WWOX: variants seen among roughly 807,000 people sequenced by gnomAD.
The protein encoded by WWOX is WW domain containing oxidoreductase.
In WWOX, 69 loss-of-function variants were observed where a neutral mutation model predicts 46.2. The observed-to-expected ratio is 1.49, with a 90% CI of 1.23 to 1.82. The LOEUF (loss-of-function observed/expected upper bound fraction) is 1.82, where lower values mean the gene tolerates loss of function less well. Ranked by LOEUF, WWOX falls within the 40% of genes most tolerant of loss-of-function variation. The pLI is 0.00. For missense variants in WWOX, 919 were observed against 542.6 expected (o/e 1.69, Z -6.89); for synonymous variants, 359 against 202.6 (o/e 1.77, Z -6.56).
intron 8 of WWOX, among the ~76,000 whole-genome samples, chr16:78,990,186 C>CA (rs751642031): frequency 0.3 from 33,099 of 109,812 alleles, 5,257 homozygotes; most frequent in East Asian, 0.57. Context: ...CTTGTCTCAC[C>CA]AAAAAAAAAA....
chr16:78,817,978 G>C (rs2051385338), intron 8 of WWOX, among the ~76,000 whole-genome samples: 1 of 152,188 alleles, frequency 6.6e-6, no homozygotes, highest in African/African-American at 2.4e-5. Flanking sequence ...ACCTATGGAA[G>C]GGAAGAAAAC....
intron 8 of WWOX, among the ~76,000 whole-genome samples, chr16:78,851,686 A>T (rs112168623): frequency 0.041 from 6,251 of 152,318 alleles, 160 homozygotes; most frequent in Non-Finnish European, 0.058. Flanking sequence ...TTCAAAATAC[A>T]AGGTGACTCC....
At chr16:79,163,816 A>AAAAG (rs1294854077) in intron 8 of WWOX, among the ~76,000 whole-genome samples, 1,955 of 123,938 alleles carry the variant, frequency 0.016, 103 homozygotes, top group African/African-American at 0.067. Context: ...AAAAAAAAAA[A>AAAAG]AGAGAGAGAG....
intron 4 of WWOX, among the ~76,000 whole-genome samples, chr16:78,128,459 G>T (rs998224900): frequency 5.9e-5 from 9 of 152,338 alleles, no homozygotes; most frequent in Non-Finnish European, 5.9e-5. Flanking sequence ...GATTACACAG[G>T]TGGAAATGTT....
At chr16:78,121,746 T>A (rs1443920842) in intron 4 of WWOX, among the ~76,000 whole-genome samples, 1 of 151,932 alleles carries the variant, frequency 6.6e-6, no homozygotes, top group Non-Finnish European at 1.5e-5. Flanking sequence ...ACTGCAACCT[T>A]TGTCTCCCAG....
chr16:78,526,049 G>C (rs910069496), intron 8 of WWOX: 6 of 152,176 alleles, frequency 3.9e-5, no homozygotes, highest in African/African-American at 1.2e-4. Flanking sequence ...GATGAAAGAG[G>C]TTTCCTAACA....
intron 8 of WWOX, among the ~76,000 whole-genome samples, chr16:78,611,373 G>C (rs544019356): frequency 2.5e-4 from 38 of 152,298 alleles, no homozygotes; most frequent in Middle Eastern, 3.4e-3. Flanking sequence ...TGGGGCTGGG[G>C]GCCAAGGAGA....
At chr16:78,454,475 T>TTG (rs2083768830) in intron 8 of WWOX, among the ~76,000 whole-genome samples, 1 of 118,892 alleles carries the variant, frequency 8.4e-6, no homozygotes, top group Non-Finnish European at 1.6e-5. Context: ...TTCCCCTAGG[T>TTG]TGTGTTTTTG....
At chr16:78,370,976 A>ATGTCTTTTT (rs776317489) in intron 5 of WWOX, among the ~76,000 whole-genome samples, 1 of 128,580 alleles carries the variant, frequency 7.8e-6, no homozygotes, top group African/African-American at 2.9e-5. Flanking sequence ...CTGTGTTGTG[A>ATGTCTTTTT]TTTCTTTTTT....
At chr16:79,133,956 A>G (rs936571605) in intron 8 of WWOX, among the ~76,000 whole-genome samples, 1 of 152,190 alleles carries the variant, frequency 6.6e-6, no homozygotes, top group South Asian at 2.1e-4. Context: ...GCAAGTCCTC[A>G]AGAAGAAAAA....
At chr16:78,216,034 G>C (rs1344626875) in intron 5 of WWOX, among the ~76,000 whole-genome samples, 1 of 152,126 alleles carries the variant, frequency 6.6e-6, no homozygotes, top group African/African-American at 2.4e-5. Context: ...CAGTGAATAA[G>C]GGGCACAACA....
intron 8 of WWOX, among the ~76,000 whole-genome samples, chr16:79,197,468 GC>G (rs1296462959): frequency 6.6e-6 from 1 of 151,334 alleles, no homozygotes; most frequent in Admixed American, 6.6e-5. Context: ...CCCCTGCACT[GC>G]CCCCCTCCAG....
intron 8 of WWOX, among the ~76,000 whole-genome samples, chr16:78,920,637 C>G (rs372022833): frequency 4.5e-4 from 68 of 152,224 alleles, no homozygotes; most frequent in Middle Eastern, 3.4e-3. Flanking sequence ...GGTCAGGTAC[C>G]TGACCTGCTT....
chr16:79,104,855 A>G (rs1036758188), intron 8 of WWOX, among the ~76,000 whole-genome samples: 10 of 152,110 alleles, frequency 6.6e-5, no homozygotes, highest in Non-Finnish European at 1.0e-4. Flanking sequence ...CACTTGACCA[A>G]AGGTGTCCAA....
At chr16:78,250,678 A>C (rs768115807) in intron 5 of WWOX, among the ~76,000 whole-genome samples, 1 of 152,176 alleles carries the variant, frequency 6.6e-6, no homozygotes. Context: ...GAGAGAGTCC[A>C]GTGATGGCGG....
At chr16:79,006,478 A>G (rs1229827033) in intron 8 of WWOX, among the ~76,000 whole-genome samples, 1 of 150,798 alleles carries the variant, frequency 6.6e-6, no homozygotes, top group African/African-American at 2.4e-5. Flanking sequence ...AATTTCTTGA[A>G]TGCTTTTAGC....
intron 8 of WWOX, among the ~76,000 whole-genome samples, chr16:78,760,930 G>C (rs1459770909): frequency 6.6e-6 from 1 of 152,182 alleles, no homozygotes; most frequent in African/African-American, 2.4e-5. Context: ...GAACAGAAGA[G>C]AGCTTGTGCA....
At chr16:78,378,916 C>G (rs957086380) in intron 5 of WWOX, among the ~76,000 whole-genome samples, 5 of 152,178 alleles carry the variant, frequency 3.3e-5, no homozygotes, top group Non-Finnish European at 7.3e-5. Flanking sequence ...TTCTTCAGAG[C>G]TTCCCGGTGT....
intron 8 of WWOX, among the ~76,000 whole-genome samples, chr16:78,704,102 C>T (rs986321597): frequency 6.6e-6 from 1 of 151,926 alleles, no homozygotes; most frequent in African/African-American, 2.4e-5. Context: ...TTGTTCCACC[C>T]AGCACGTCAT....
Sources: gnomAD v4.1 joint callset for allele counts (sites outside exome capture counted in the v4.1 genomes callset) on GRCh38, gnomAD v4.1.1 for gene constraint, MANE v1.5 for transcripts, NCBI Gene and HGNC (gene_info 2026-07-23, HGNC 2026-07-21) for gene names.